Variants in PIEZO2 observed in about 807,000 individuals in gnomAD.
PIEZO2 encodes the protein piezo-type mechanosensitive ion channel component 2.
A neutral mutation model predicts 337.3 loss-of-function variants in PIEZO2; 172 were observed. The ratio of observed to expected loss-of-function variants is 0.51; its 90% confidence interval spans 0.45 to 0.58. PIEZO2 has a LOEUF of 0.58. Among genes scored for constraint, PIEZO2 ranks in the 20% least tolerant of loss-of-function variants. The probability of loss-of-function intolerance (pLI) is 0.00; values close to 1 mark genes in which losing one functional copy is unlikely to be tolerated. For synonymous variants in PIEZO2, 1,251 were observed against 1,228.5 expected (o/e 1.02, Z -0.38); for missense variants, 3,028 against 3,391.3 (o/e 0.89, Z 2.66).
At chr18:10,858,975 C>A (rs1346986666) in intron 5 of PIEZO2, among the ~76,000 whole-genome samples, 1 of 152,132 alleles carries the variant, frequency 6.6e-6, no homozygotes, top group Non-Finnish European at 1.5e-5. Context: ...TGTGTCCTAG[C>A]ATATATAGGA....
intron 39 of PIEZO2, among the ~76,000 whole-genome samples, chr18:10,714,306 A>C (rs2035929409): frequency 6.6e-6 from 1 of 152,196 alleles, no homozygotes; most frequent in Admixed American, 6.5e-5. Flanking sequence ...AGAAGATGGA[A>C]GCTAACAGAA....
chr18:10,736,578 A>G, intron 34 of PIEZO2, 26 bp downstream of exon 34: 2 of 1,536,602 alleles, frequency 1.3e-6, no homozygotes, highest in Non-Finnish European at 1.7e-6. Flanking sequence ...TCCAACTAGC[A>G]AAGAAATGAT....
rs2041623376 is a variant in PIEZO2, at chr18:10,853,808, T to C, written c.917+1545A>G. 6.6e-6 allele frequency among the ~76,000 whole-genome samples: 1 copy of C among 152,230 alleles called. No homozygotes were observed. Among genetic ancestry groups the C allele is most frequent in the Non-Finnish European group, 1.5e-5 (1 of 68,036 alleles). ...CACAGCTTATCTAAATAACTCACCA[T>C]GTATCTCCTAAAATAATGGCATTTT... On this transcript the variant is annotated intron_variant, in intron 7 of 55. Coordinates refer to ENST00000674853, the MANE Select transcript of PIEZO2 (RefSeq NM_001378183.1). The surrounding 1 kb of genome is among the most constrained non-coding windows in gnomAD (Gnocchi z 4.2).
At chr18:10,740,875 C>T (rs1262004556) in intron 33 of PIEZO2, 156 bp downstream of exon 33, 1 of 757,502 alleles carries the variant, frequency 1.3e-6, no homozygotes, top group Non-Finnish European at 2.3e-6. Flanking sequence ...GGCTCAAAGA[C>T]CCACTGACAT....
At chr18:11,026,846 A>G (rs1412249257) in intron 2 of PIEZO2, among the ~76,000 whole-genome samples, 3 of 152,166 alleles carry the variant, frequency 2.0e-5, no homozygotes, top group Non-Finnish European at 4.4e-5. Flanking sequence ...GATCACATTC[A>G]TTTTTGTGTA....
chr18:10,682,619 G>A lies in PIEZO2; in HGVS notation c.7498-327C>T, dbSNP rs111526020. Among the ~76,000 whole-genome samples the A allele has an allele frequency of 3.3e-5, 5 of 152,140 alleles. No homozygotes were observed. The highest frequency in any genetic ancestry group is 1.9e-4 in the East Asian group (1 of 5,184). On this transcript the variant is annotated intron_variant, in intron 49 of 55. Coordinates refer to ENST00000674853, the MANE Select transcript of PIEZO2 (RefSeq NM_001378183.1). This position sits in a 1 kb window ranked among gnomAD's most constrained non-coding sequence, Gnocchi z 5.6. ...TCCTGGACCAAGGGATCAAGTATCC[G>A]GCCGAATGAACCTTCTGGTTTTAAG...
intron 3 of PIEZO2, among the ~76,000 whole-genome samples, chr18:10,927,296 C>G (rs936937047): frequency 5.3e-5 from 8 of 152,150 alleles, no homozygotes; most frequent in African/African-American, 1.9e-4. Flanking sequence ...CTCAGCAAAG[C>G]CTCCGAGGAG....
intron 1 of PIEZO2, among the ~76,000 whole-genome samples, chr18:11,073,204 G>A (rs2038410175): frequency 6.6e-6 from 1 of 152,076 alleles, no homozygotes; most frequent in African/African-American, 2.4e-5. Context: ...CCAGGGTGGT[G>A]GGCAGGCTCT....
At chr18:10,981,915 G>T (rs1205847091) in intron 2 of PIEZO2, among the ~76,000 whole-genome samples, 2 of 152,164 alleles carry the variant, frequency 1.3e-5, no homozygotes, top group Non-Finnish European at 2.9e-5. Flanking sequence ...TTTGCCAGGG[G>T]CACTTGGGCC....
At chr18:11,055,101 C>G (rs930025067) in intron 2 of PIEZO2, among the ~76,000 whole-genome samples, 1 of 150,772 alleles carries the variant, frequency 6.6e-6, no homozygotes, top group Non-Finnish European at 1.5e-5. Flanking sequence ...GTCCCAGCTA[C>G]TCGGGAGGCT....
At chr18:10,970,292 T>C (rs1270828061) in intron 3 of PIEZO2, among the ~76,000 whole-genome samples, 1 of 152,130 alleles carries the variant, frequency 6.6e-6, no homozygotes, top group African/African-American at 2.4e-5. Flanking sequence ...AGAAAGCTTA[T>C]TGGAATTGGC....
chr18:10,991,337 T>C (rs746241273), intron 2 of PIEZO2, among the ~76,000 whole-genome samples: 2 of 151,958 alleles, frequency 1.3e-5, no homozygotes, highest in Non-Finnish European at 2.9e-5. Flanking sequence ...TCCATCAACC[T>C]GTCACCTACA....
At chr18:10,865,898 A>G (rs2041993375) in intron 5 of PIEZO2, among the ~76,000 whole-genome samples, 1 of 152,220 alleles carries the variant, frequency 6.6e-6, no homozygotes, top group African/African-American at 2.4e-5. Context: ...ATTGCCTCAC[A>G]CAAGTTTCCC....
intron 2 of PIEZO2, among the ~76,000 whole-genome samples, chr18:10,987,618 T>G (rs1197614852): frequency 6.6e-6 from 1 of 151,978 alleles, no homozygotes; most frequent in Non-Finnish European, 1.5e-5. Flanking sequence ...AGGGAAAAGA[T>G]TCCTTGACAT....
Position 11,146,792 on chromosome 18 carries a change from G to C in PIEZO2, c.64+1733C>G, listed in dbSNP as rs2040822601. Among the ~76,000 whole-genome samples the C allele has an allele frequency of 6.6e-6, 1 of 152,186 alleles. No homozygotes were observed. Among genetic ancestry groups the C allele is most frequent in the Non-Finnish European group, 1.5e-5 (1 of 68,032 alleles). On this transcript the variant is annotated intron_variant, in intron 1 of 55. Transcript: ENST00000674853. This position sits in a 1 kb window ranked among gnomAD's most constrained non-coding sequence, Gnocchi z 6.1. The stretch of plus-strand genomic sequence containing the variant: ...AACCACATGCCTAACTCTTCCAACA[G>C]TCACAGTGAGCTGCTGTCCCTTGGA...
rs965894297 is a variant in PIEZO2, at chr18:10,677,537, T to C, written c.8081+210A>G. On this transcript the variant is annotated intron_variant, in intron 53 of 55. Coordinates refer to ENST00000674853, the MANE Select transcript of PIEZO2 (RefSeq NM_001378183.1). The surrounding 1 kb of genome is among the most constrained non-coding windows in gnomAD (Gnocchi z 4.1). Reference sequence around the variant, plus strand: ...CTGGCCCAAACCCTCATTTGGAACATAGACATAACCCTGGGGACAGTGGAC... The same window carrying C: ...CTGGCCCAAACCCTCATTTGGAACACAGACATAACCCTGGGGACAGTGGAC... The C allele has an allele frequency of 1.6e-5, 8 of 486,762 alleles. No homozygotes were observed. Among genetic ancestry groups the C allele is most frequent in the Non-Finnish European group, 2.8e-5 (8 of 286,948 alleles). 30.2% of individuals were successfully genotyped at this position (486,762 alleles called of 1,614,324 possible). A position where few individuals can be genotyped will look rare whatever the true frequency, so the allele number is the denominator to read the frequency against.
chr18:10,757,959 C>G lies in PIEZO2; in HGVS notation c.3923+10G>C, dbSNP rs1373839859. ...AAAGTGGCTTTTAGCAAATGTGAAGCTCTTGTTACCTGCAGTGAATAAAAT... is the reference window on the plus strand; with the variant it reads ...AAAGTGGCTTTTAGCAAATGTGAAGGTCTTGTTACCTGCAGTGAATAAAAT... On this transcript the variant is annotated intron_variant, in intron 27 of 55. Transcript: ENST00000674853. The G allele has an allele frequency of 1.3e-6, 2 of 1,528,850 alleles. No individual in the cohort carries two copies. The highest frequency in any genetic ancestry group is 2.4e-5 in the South Asian group (2 of 82,624). 94.7% of individuals were successfully genotyped at this position (1,528,850 alleles called of 1,614,324 possible). A position where few individuals can be genotyped will look rare whatever the true frequency, so the allele number is the denominator to read the frequency against.
At chr18:10,967,011 GTTTTTTGTTTT>G (rs933455952) in intron 3 of PIEZO2, among the ~76,000 whole-genome samples, 3 of 109,392 alleles carry the variant, frequency 2.7e-5, no homozygotes, top group Non-Finnish European at 5.7e-5. Context: ...CATTTTCTCT[GTTTTTTGTTTT>G]TTTTTTTTTT....
At position 11,148,980 on chromosome 18, in the gene PIEZO2, G is replaced by T. The variant is rs1043753133; in HGVS notation, c.-392C>A. On this transcript the variant is annotated 5_prime_UTR_variant, in exon 1 of 56. Transcript: ENST00000674853. This position sits in a 1 kb window ranked among gnomAD's most constrained non-coding sequence, Gnocchi z 5.2. ...GCGGCGCGGCGAGCAAAGGGGGCAA[G>T]AAGGGCGTGCTGTGCTCCCGCCTGG... 4.0e-5 allele frequency among the ~76,000 whole-genome samples: 6 copies of T among 151,202 alleles called. No individual in the cohort carries two copies. Among genetic ancestry groups the T allele is most frequent in the Non-Finnish European group, 8.9e-5 (6 of 67,756 alleles).
Sources: allele counts gnomAD v4.1 joint callset (sites outside exome capture counted in the v4.1 genomes callset), GRCh38; gene constraint gnomAD v4.1.1; non-coding constraint Gnocchi (gnomAD v3.1); transcripts MANE v1.5; gene names NCBI Gene and HGNC (gene_info 2026-07-23, HGNC 2026-07-21).